The following RELCH variants were observed in gnomAD, a reference collection of about 807,000 sequenced individuals.
RELCH encodes the protein RAB11 binding and LisH domain, coiled-coil and HEAT repeat containing.
A neutral mutation model predicts 150.3 loss-of-function variants in RELCH; 41 were observed. That is an observed-to-expected ratio of 0.27 (90% CI 0.21 to 0.35). RELCH has a LOEUF of 0.35. Among genes scored for constraint, RELCH ranks in the 10% least tolerant of loss-of-function variants. The pLI, the probability that RELCH is intolerant of heterozygous loss-of-function variation, is 1.00. For missense variants in RELCH, 1,092 were observed against 1,467.8 expected (o/e 0.74, Z 4.18); for synonymous variants, 478 against 531.8 (o/e 0.90, Z 1.39).
chr18:62,222,595 T>A (rs1599897439), intron 5 of RELCH, among the ~76,000 whole-genome samples: 1 of 152,086 alleles, frequency 6.6e-6, no homozygotes, highest in East Asian at 1.9e-4. Flanking sequence ...GTGTAAATGA[T>A]TAGTCCTTCT....
At chr18:62,208,534 G>T (rs182284124) in intron 1 of RELCH, among the ~76,000 whole-genome samples, 2 of 152,128 alleles carry the variant, frequency 1.3e-5, no homozygotes, top group Admixed American at 6.5e-5. Context: ...AGGTTCGGGG[G>T]TGCATGTGCA....
At chr18:62,219,500 T>TAA (rs369704293) in intron 2 of RELCH, among the ~76,000 whole-genome samples, 8,217 of 137,158 alleles carry the variant, frequency 0.06, 305 homozygotes, top group South Asian at 0.11. Flanking sequence ...TTTTAAAATG[T>TAA]AAAAAAAAAA....
At chr18:62,287,585 A>C (rs2044878607) in intron 26 of RELCH, 118 bp downstream of exon 26, 2 of 677,632 alleles carry the variant, frequency 3.0e-6, no homozygotes, top group African/African-American at 3.8e-5. Flanking sequence ...AGCGTTGTAG[A>C]AAATTGAAGA....
intron 10 of RELCH, among the ~76,000 whole-genome samples, chr18:62,238,194 T>C (rs1421768252): frequency 6.6e-6 from 1 of 151,948 alleles, no homozygotes; most frequent in Non-Finnish European, 1.5e-5. Context: ...ACTTATATTT[T>C]AAAGTCAAAT....
chr18:62,283,264 T>A (rs970739571), intron 25 of RELCH, among the ~76,000 whole-genome samples: 4 of 152,198 alleles, frequency 2.6e-5, no homozygotes, highest in African/African-American at 9.6e-5. Flanking sequence ...TCTTCCACAA[T>A]TGTCTGCCTT....
At chr18:62,300,544 A>G (rs1681502138) in intron 28 of RELCH, 1 of 152,224 alleles carries the variant, frequency 6.6e-6, no homozygotes. Context: ...ATCTGTGAAG[A>G]GCTCTGCCTT....
chr18:62,256,696 A>G (rs1289352665), intron 13 of RELCH, among the ~76,000 whole-genome samples: 1 of 152,020 alleles, frequency 6.6e-6, no homozygotes, highest in Non-Finnish European at 1.5e-5. Context: ...TAAATAGAGT[A>G]ATGCCTCCTG....
At chr18:62,240,397 CT>C (rs76990940) in intron 10 of RELCH, among the ~76,000 whole-genome samples, 126 of 141,090 alleles carry the variant, frequency 8.9e-4, no homozygotes, top group African/African-American at 2.5e-3. Context: ...AAACCATTTT[CT>C]TTTTTTTTTC....
At chr18:62,293,139 CCT>C (rs984585152) in intron 27 of RELCH, among the ~76,000 whole-genome samples, 1 of 152,154 alleles carries the variant, frequency 6.6e-6, no homozygotes, top group African/African-American at 2.4e-5. Context: ...TATTCTCTTC[CCT>C]CTGTCAAAAG....
rs78204938 is a variant in RELCH at position 62,189,578 on chromosome 18, T to C, written c.526+1547T>C. Reference sequence around the variant, plus strand: ...ATGAACATAACTGAATTGTATCTGCTGTGTTTTCAACCGTATTAATACAGT... The same window carrying C: ...ATGAACATAACTGAATTGTATCTGCCGTGTTTTCAACCGTATTAATACAGT... On this transcript the variant is annotated intron_variant, in intron 1 of 28. Transcript: ENST00000644646. 5.3e-5 allele frequency among the ~76,000 whole-genome samples: 8 copies of C among 152,354 alleles called. No individual in the cohort carries two copies. In the East Asian group the frequency reaches 1.5e-3, roughly 29 times the overall value.
chr18:62,248,290 A>G (rs772518959), intron 11 of RELCH, among the ~76,000 whole-genome samples: 11 of 152,182 alleles, frequency 7.2e-5, no homozygotes, highest in Non-Finnish European at 1.3e-4. Flanking sequence ...ATTTTATTCC[A>G]GTCATTTTGT....
intron 5 of RELCH, 93 bp downstream of exon 5, chr18:62,221,590 AT>A (rs2040879041): frequency 1.9e-6 from 1 of 520,144 alleles, no homozygotes; most frequent in South Asian, 3.5e-5. Context: ...TTTTTAAGTT[AT>A]ATATATAGTA....
At chr18:62,242,958 A>T (rs974440702) in intron 10 of RELCH, among the ~76,000 whole-genome samples, 1 of 152,160 alleles carries the variant, frequency 6.6e-6, no homozygotes, top group Admixed American at 6.6e-5. Flanking sequence ...TGTAGAGATG[A>T]TGGGAAAGCA....
At chr18:62,280,194 A>C (rs544535755) in intron 23 of RELCH, 19 of 612,188 alleles carry the variant, frequency 3.1e-5, no homozygotes, top group African/African-American at 2.6e-4. Context: ...GGTTGTTACC[A>C]GTAAGTGTAG....
Position 62,189,259 on chromosome 18 carries a change from GT to G in RELCH, c.526+1240del, listed in dbSNP as rs748259898. Among the ~76,000 whole-genome samples, 208 of 118,088 alleles carry G rather than the reference GT, an allele frequency of 1.8e-3. 1 individual carries two copies. Among genetic ancestry groups the G allele is most frequent in the African/African-American group, 5.4e-3 (165 of 30,776 alleles). The allele number at this position is 118,088 out of a possible 152,430, so 77.5% of individuals were successfully genotyped here. On this transcript the variant is annotated intron_variant, in intron 1 of 28. Coordinates refer to ENST00000644646, the MANE Select transcript of RELCH (RefSeq NM_001346231.2). ...TATGTGTGGTGGTGGGTCTTTTTTT[GT>G]TTTTTTTTTTTGTTGTTTTTTTTTT...
intron 11 of RELCH, among the ~76,000 whole-genome samples, chr18:62,245,360 A>G (rs1056718848): frequency 1.3e-5 from 2 of 152,220 alleles, no homozygotes; most frequent in Admixed American, 6.5e-5. Context: ...GCCATGGCTC[A>G]TGCCTGTAAT....
intron 1 of RELCH, among the ~76,000 whole-genome samples, chr18:62,188,313 CG>C (rs1004850021): frequency 1.3e-5 from 2 of 152,170 alleles, no homozygotes; most frequent in African/African-American, 4.8e-5. Flanking sequence ...CTGGCTATTA[CG>C]GGACTCCAGA....
At chr18:62,202,283 T>A (rs1178111831) in intron 1 of RELCH, among the ~76,000 whole-genome samples, 2 of 152,200 alleles carry the variant, frequency 1.3e-5, no homozygotes, top group Non-Finnish European at 2.9e-5. Flanking sequence ...GGCATTTGCT[T>A]CTCCTGGAAA....
intron 2 of RELCH, among the ~76,000 whole-genome samples, chr18:62,220,520 A>C (rs1351127149): frequency 1.3e-5 from 2 of 151,896 alleles, no homozygotes; most frequent in Non-Finnish European, 2.9e-5. Context: ...CTATTCACTA[A>C]CGTCTCTATA....
Sources: allele counts gnomAD v4.1 joint callset (sites outside exome capture counted in the v4.1 genomes callset), GRCh38; gene constraint gnomAD v4.1.1; transcripts MANE v1.5; gene names NCBI Gene and HGNC (gene_info 2026-07-23, HGNC 2026-07-21).